Variants in CDC42BPG observed in about 807,000 individuals in gnomAD.
CDC42BPG encodes CDC42 binding protein kinase gamma, also known as serine/threonine-protein kinase MRCK gamma.
Under a neutral mutation model 192.2 loss-of-function variants are expected in CDC42BPG, and 157 were observed. The observed-to-expected ratio is 0.82, with a 90% CI of 0.72 to 0.93. The LOEUF is 0.93. Ranked by LOEUF, CDC42BPG falls within the 40% of genes least tolerant of loss-of-function variation. CDC42BPG has a pLI of 0.00. For missense variants in CDC42BPG, 1,992 were observed against 2,122.1 expected, an observed-to-expected ratio of 0.94 and a Z score of 1.20; for synonymous variants, 981 against 918.5, an observed-to-expected ratio of 1.07 and a Z score of -1.23.
chr11:64,834,173 C>A, intron 20 of CDC42BPG, 93 bp downstream of exon 20: 2 of 1,424,162 alleles, frequency 1.4e-6, no homozygotes, highest in East Asian at 2.5e-5. Context: ...ACTCCTGTCT[C>A]CACCACCCTG....
In CDC42BPG at chr11:64,837,034, G is replaced by A. The variant is rs367720398; in HGVS notation, c.1206-15C>T. On this transcript the variant is annotated splice_polypyrimidine_tract_variant and intron_variant, in intron 9 of 36. Transcript: ENST00000342711. ...CAGGACTGTGACTGTAGGGGGACAG[G>A]GGCCATGTTTGTTGGTAGAAACCTC... The A allele has an allele frequency of 2.1e-5, 33 of 1,603,472 alleles. No individual in the cohort carries two copies. The African/African-American group carries it at 4.4e-4, about 21-fold the overall frequency.
At chr11:64,837,186 A>G (rs1049047359) in intron 9 of CDC42BPG, among the ~76,000 whole-genome samples, 167 bp from the exon 10 acceptor site, 3 of 152,264 alleles carry the variant, frequency 2.0e-5, no homozygotes, top group Admixed American at 2.0e-4. Flanking sequence ...TAGCAGCTGC[A>G]GGGCACAGGC....
Position 64,826,686 on chromosome 11 carries a change from C to T in CDC42BPG, c.4498G>A (p.Gly1500Arg), listed in dbSNP as rs765806049. The change falls in exon 35 of 37, where the codon GGA becomes AGA. Residue 1500 changes from glycine (G) to arginine (R), a missense_variant. Transcript: ENST00000342711. ...PASMGSEGLGGDADPMKRKPW... is the reference protein window; with the variant it reads ...PASMGSEGLGRDADPMKRKPW... ...CTGCCCTTACTGGGGTCTGCGTCTCCACCGAGGCCTTCGCTGCCCATGGAG... is the reference window on the plus strand; with the variant it reads ...CTGCCCTTACTGGGGTCTGCGTCTCTACCGAGGCCTTCGCTGCCCATGGAG... The T allele has an allele frequency of 4.5e-6, 7 of 1,561,112 alleles. No individual in the cohort carries two copies. In the East Asian group the frequency reaches 1.6e-4, roughly 36 times the overall value.
At chr11:64,838,183 A>G (rs1291123301) in intron 8 of CDC42BPG, 21 bp from the exon 9 acceptor site, 38 of 1,543,374 alleles carry the variant, frequency 2.5e-5, no homozygotes, top group Non-Finnish European at 3.1e-5. Context: ...AGAGGGAAGG[A>G]GAGTCAGAGT....
Position 64,836,705 on chromosome 11 carries a change from C to CCGGGGCGGG in CDC42BPG, c.1384+33_1384+34insCCCGCCCCG, listed in dbSNP as rs1192864769. ...ACCCGAGCCCAGGTGGGACTCAGCC[C>CCGGGGCGGG]TGGGGGGGGGGGGGGGGTGGGCGGA... On this transcript the variant is annotated intron_variant, in intron 11 of 36. Transcript: ENST00000342711. The CCGGGGCGGG allele has an allele frequency of 1.7e-5, 6 of 353,508 alleles. 1 individual carries two copies. The highest frequency in any genetic ancestry group is 6.6e-5 in the South Asian group (2 of 30,174). The allele number at this position is 353,508 out of a possible 1,614,324, so 21.9% of individuals were successfully genotyped here.
In CDC42BPG at chr11:64,839,514, G is replaced by A; in HGVS notation, c.639C>T (p.Asp213=). The A allele has an allele frequency of 1.2e-6, 2 of 1,613,290 alleles. No individual in the cohort carries two copies. Among genetic ancestry groups the A allele is most frequent in the Non-Finnish European group, 1.7e-6 (2 of 1,179,988 alleles). The change falls in exon 6 of 37, where the codon GAC becomes GAT. Residue 213 remains aspartate (D), a synonymous_variant. Coordinates refer to ENST00000342711, the MANE Select transcript of CDC42BPG (RefSeq NM_017525.3). ...TGTTGAGACGCAGGCAGGAGCCGAA[G>A]TCAGCCAGGCGAATGTGCCCGTTCA... ...LDVNGHIRLA[D]FGSCLRLNTN... is the part of the protein sequence containing the mutation.
intron 30 of CDC42BPG, 119 bp downstream of exon 30, chr11:64,829,352 A>G: frequency 7.6e-7 from 1 of 1,307,536 alleles, no homozygotes; most frequent in Non-Finnish European, 1.0e-6. Flanking sequence ...GTTGGGCTGG[A>G]GGATGCAAAC....
chr11:64,834,745 G>C (rs1417352197), intron 18 of CDC42BPG, 104 bp downstream of exon 18: 1 of 1,342,046 alleles, frequency 7.5e-7, no homozygotes, highest in Non-Finnish European at 1.0e-6. Context: ...TCATGAGCTT[G>C]GTGTCCCCAC....
At chr11:64,842,349 C>T (rs1943317971) in intron 1 of CDC42BPG, among the ~76,000 whole-genome samples, 1 of 152,188 alleles carries the variant, frequency 6.6e-6, no homozygotes. Context: ...TCCTTATCCC[C>T]AGAGAGGCTT....
chr11:64,832,183 G>A (rs1050201278), intron 27 of CDC42BPG, among the ~76,000 whole-genome samples: 2 of 152,244 alleles, frequency 1.3e-5, no homozygotes, highest in Non-Finnish European at 2.9e-5. Context: ...AGAGGGCTGG[G>A]AGGCCTGCAG....
chr11:64,832,657 A>G lies in CDC42BPG; in HGVS notation c.2952T>C (p.Pro984=). ...CACTGGGCGGGCTGAGCCTCAGGTC[A>G]GGGGCGTCAAACAGCAGCAGGCGTG... ...SDSRLLLFDA[P]DLRLSPPSGA... Residue 984 remains proline, a synonymous_variant, in exon 26 of 37, where the codon CCT becomes CCC. Coordinates refer to ENST00000342711, the MANE Select transcript of CDC42BPG (RefSeq NM_017525.3). 6.2e-7 allele frequency: 1 copy of G among 1,613,766 alleles called. No homozygotes were observed. Among genetic ancestry groups the G allele is most frequent in the Non-Finnish European group, 8.5e-7 (1 of 1,179,994 alleles).
At chr11:64,824,608 C>G (rs577709800) in intron 36 of CDC42BPG, 79 bp from the exon 37 acceptor site, 2 of 963,746 alleles carry the variant, frequency 2.1e-6, no homozygotes, top group African/African-American at 3.2e-5. Flanking sequence ...GTCCTGGAGG[C>G]CCCCTTAGGA....
At chr11:64,830,171 C>G in intron 29 of CDC42BPG, 23 bp downstream of exon 29, 1 of 1,613,496 alleles carries the variant, frequency 6.2e-7, no homozygotes. Context: ...CCACGCCCAC[C>G]CTAGCCCAGC....
At position 64,827,135 on chromosome 11, in the gene CDC42BPG, T is replaced by G; in HGVS notation, c.4304A>C (p.Lys1435Thr). 1.2e-6 allele frequency: 2 copies of G among 1,614,074 alleles called. No homozygotes were observed. The highest frequency in any genetic ancestry group is 1.1e-5 in the South Asian group (1 of 91,076). The change falls in exon 34 of 37, where the codon AAG becomes ACG. Residue 1435 changes from lysine (K) to threonine (T), a missense_variant. Transcript: ENST00000342711. ...EMLKDPFVRSKLISPPTNFNH... is the reference protein window; with the variant it reads ...EMLKDPFVRSTLISPPTNFNH... The stretch of plus-strand genomic sequence containing the variant: ...GAAGTTGGTAGGCGGCGAGATGAGC[T>G]TGGAGCGCACAAAAGGGTCCTTCAG...
At chr11:64,844,267 G>C (rs1943406859) in intron 1 of CDC42BPG, 143 bp downstream of exon 1, 1 of 744,272 alleles carries the variant, frequency 1.3e-6, no homozygotes, top group Admixed American at 4.4e-5. Flanking sequence ...GCGGGGGTCC[G>C]GTGGTACGCG....
In CDC42BPG at chr11:64,839,201, G is replaced by A; in HGVS notation, c.708C>T (p.Asp236=). 6.2e-7 allele frequency: 1 copy of A among 1,613,272 alleles called. No homozygotes were observed. Among genetic ancestry groups the A allele is most frequent in the Non-Finnish European group, 8.5e-7 (1 of 1,180,044 alleles). The change falls in exon 7 of 37, where the codon GAC becomes GAT. Residue 236 remains aspartate, a synonymous_variant. Coordinates refer to ENST00000342711, the MANE Select transcript of CDC42BPG (RefSeq NM_017525.3). ...VDSSVAVGTP[D]YISPEILQAM... is the part of the protein sequence containing the mutation. The stretch of plus-strand genomic sequence containing the variant: ...CCTGCAGGATCTCAGGGGAGATATA[G>A]TCCGGCGTCCCTACTGCCACTGATG...
At chr11:64,838,380 C>T (rs1455021245) in intron 8 of CDC42BPG, among the ~76,000 whole-genome samples, 1 of 152,184 alleles carries the variant, frequency 6.6e-6, no homozygotes, top group Admixed American at 6.5e-5. Flanking sequence ...TAGAATGATA[C>T]CTGTGGTCAG....
In CDC42BPG at chr11:64,832,749, G is replaced by A. The variant is rs1445090222; in HGVS notation, c.2866-6C>T. ...ACACCTGAGGGCCGCGGCACCTGGC[G>A]GAAAGGCAAGCATGGGAGGGCTGCA... is the stretch of plus-strand genomic sequence containing the variant. On this transcript the variant is annotated splice_region_variant and splice_polypyrimidine_tract_variant and intron_variant, in intron 25 of 36. Transcript: ENST00000342711. The A allele has an allele frequency of 5.0e-6, 8 of 1,601,504 alleles. No individual in the cohort carries two copies. The highest frequency in any genetic ancestry group is 2.2e-5 in the South Asian group (2 of 89,592).
rs1163131785 is a variant in CDC42BPG at position 64,835,412 on chromosome 11, C to G, written c.1888G>C (p.Gly630Arg). ...LEQAHSHRPS[G>R]KEEALCQLQE... is the part of the protein sequence containing the mutation. ...AGCTGGCACAGAGCCTCCTCCTTAC[C>G]ACTCGGCCTGGGGAGGAGAAGGCCA... Residue 630 changes from glycine to arginine, a missense_variant, in exon 16 of 37, where the codon GGT becomes CGT. Gly to Arg is a moderately radical substitution (Grantham distance 125). Coordinates refer to ENST00000342711, the MANE Select transcript of CDC42BPG (RefSeq NM_017525.3). The G allele has an allele frequency of 6.2e-7, 1 of 1,613,772 alleles. No homozygotes were observed. The highest frequency in any genetic ancestry group is 8.5e-7 in the Non-Finnish European group (1 of 1,180,000).
Sources: gnomAD v4.1 joint callset for allele counts (sites outside exome capture counted in the v4.1 genomes callset) on GRCh38, gnomAD v4.1.1 for gene constraint, MANE v1.5 for transcripts, NCBI Gene and HGNC (gene_info 2026-07-23, HGNC 2026-07-21) for gene names.